The following EDIL3 variants were observed in gnomAD, a reference collection of about 807,000 sequenced individuals.
EDIL3 encodes the protein EGF-like repeat and discoidin I-like domain-containing protein 3.
In EDIL3, 37 loss-of-function variants were observed where a neutral mutation model predicts 67.4. The ratio of observed to expected loss-of-function variants is 0.55; its 90% CI spans 0.42 to 0.72. The LOEUF is 0.72. Among genes scored for constraint, EDIL3 ranks in the 30% least tolerant of loss-of-function variants. EDIL3 has a pLI of 0.00. For missense variants in EDIL3, 527 were observed against 586.3 expected (o/e 0.90, Z 1.04); for synonymous variants, 195 against 196.3 (o/e 0.99, Z 0.05).
intron 4 of EDIL3, among the ~76,000 whole-genome samples, chr5:84,168,664 G>A (rs1201870693): frequency 2.0e-5 from 3 of 152,102 alleles, no homozygotes; most frequent in African/African-American, 7.2e-5. Context: ...TATGATGCTG[G>A]TCGTAATTGA....
At chr5:84,006,349 AAAAC>A (rs1745415733) in intron 9 of EDIL3, among the ~76,000 whole-genome samples, 1 of 90,740 alleles carries the variant, frequency 1.1e-5, no homozygotes, top group Non-Finnish European at 2.0e-5. Context: ...GCCATAAAAC[AAAAC>A]AAAACAAAAC....
chr5:84,216,557 G>C (rs1744229471), intron 3 of EDIL3, among the ~76,000 whole-genome samples: 1 of 152,092 alleles, frequency 6.6e-6, no homozygotes, highest in Admixed American at 6.5e-5. Flanking sequence ...TCTGTTACTT[G>C]CTTATTATGT....
At chr5:84,209,426 A>G (rs1744068431) in intron 3 of EDIL3, among the ~76,000 whole-genome samples, 1 of 152,198 alleles carries the variant, frequency 6.6e-6, no homozygotes, top group Non-Finnish European at 1.5e-5. Flanking sequence ...TACTGTTTGA[A>G]TAAAGATATT....
At chr5:83,970,714 G>T (rs574133472) in intron 9 of EDIL3, among the ~76,000 whole-genome samples, 1 of 136,338 alleles carries the variant, frequency 7.3e-6, no homozygotes, top group South Asian at 2.2e-4. Flanking sequence ...AACACTATTT[G>T]TTTTATAATC....
intron 9 of EDIL3, among the ~76,000 whole-genome samples, chr5:84,041,504 A>G (rs1746120950): frequency 6.6e-6 from 1 of 150,572 alleles, no homozygotes. Flanking sequence ...CCTATTTCTC[A>G]TTACAGAGCT....
At chr5:83,957,472 A>G (rs1580251995) in intron 10 of EDIL3, among the ~76,000 whole-genome samples, 1 of 151,868 alleles carries the variant, frequency 6.6e-6, no homozygotes, top group East Asian at 2.0e-4. Context: ...ATTTAATTTC[A>G]GCTCTCCAAA....
chr5:84,031,590 G>A lies in EDIL3; in HGVS notation c.1137+28710C>T, dbSNP rs186230625. On this transcript the variant is annotated intron_variant, in intron 9 of 10. Coordinates refer to ENST00000296591, the MANE Select transcript of EDIL3 (RefSeq NM_005711.5). The stretch of plus-strand genomic sequence containing the variant: ...TATCCATGCAAGAAGAGACACGAGA[G>A]GTTCCTCTTTCTCTGCTGTCTACCA... Among the ~76,000 whole-genome samples, 284 of 152,276 alleles carry A rather than the reference G, an allele frequency of 1.9e-3. 2 individuals are homozygous for A. The highest frequency in any genetic ancestry group is 6.5e-3 in the African/African-American group (270 of 41,562).
chr5:84,108,305 T>C (rs1747499414), intron 5 of EDIL3, among the ~76,000 whole-genome samples: 1 of 152,034 alleles, frequency 6.6e-6, no homozygotes, highest in South Asian at 2.1e-4. Flanking sequence ...TAAAAATATA[T>C]GGATAAGTAA....
intron 6 of EDIL3, among the ~76,000 whole-genome samples, chr5:84,076,912 G>T (rs1746868496): frequency 6.6e-6 from 1 of 152,116 alleles, no homozygotes; most frequent in African/African-American, 2.4e-5. Flanking sequence ...ATCTTGCAAA[G>T]GCTTTTCCTG....
At chr5:83,999,045 C>G (rs577349161) in intron 9 of EDIL3, among the ~76,000 whole-genome samples, 1 of 152,270 alleles carries the variant, frequency 6.6e-6, no homozygotes, top group African/African-American at 2.4e-5. Context: ...GGTACCTCTA[C>G]AAGTCTGCAA....
At chr5:84,324,897 G>C (rs1194909219) in intron 1 of EDIL3, among the ~76,000 whole-genome samples, 1 of 149,628 alleles carries the variant, frequency 6.7e-6, no homozygotes. Context: ...TTGGTAAGAA[G>C]ATTTAATCAG....
chr5:84,112,449 T>C (rs1034575770), intron 5 of EDIL3, among the ~76,000 whole-genome samples: 5 of 152,204 alleles, frequency 3.3e-5, no homozygotes, highest in African/African-American at 1.2e-4. Flanking sequence ...GTGTTTCCTT[T>C]CATTGAGATT....
chr5:84,137,189 A>C, intron 5 of EDIL3, 52 bp downstream of exon 5: 1 of 1,042,042 alleles, frequency 9.6e-7, no homozygotes, highest in Middle Eastern at 2.3e-4. Flanking sequence ...ATACATACAC[A>C]CACACACACA....
At chr5:84,079,279 G>C (rs750072799) in intron 6 of EDIL3, among the ~76,000 whole-genome samples, 3 of 151,984 alleles carry the variant, frequency 2.0e-5, no homozygotes, top group African/African-American at 4.8e-5. Flanking sequence ...AGTTCTGTGA[G>C]GCATCCTAGC....
chr5:84,098,659 T>C (rs997217947), intron 6 of EDIL3, among the ~76,000 whole-genome samples: 4 of 152,144 alleles, frequency 2.6e-5, no homozygotes, highest in Non-Finnish European at 5.9e-5. Flanking sequence ...TACTCCTGAA[T>C]GACTTTTGGG....
intron 9 of EDIL3, among the ~76,000 whole-genome samples, chr5:83,975,239 T>C (rs972863347): frequency 2.6e-5 from 4 of 152,008 alleles, no homozygotes; most frequent in Non-Finnish European, 5.9e-5. Context: ...TATATGCCTC[T>C]CTCAGAAATT....
At chr5:84,273,413 T>C (rs757339261) in intron 1 of EDIL3, among the ~76,000 whole-genome samples, 1 of 152,148 alleles carries the variant, frequency 6.6e-6, no homozygotes, top group Non-Finnish European at 1.5e-5. Flanking sequence ...CACACCTAGC[T>C]TTCCCACATA....
At chr5:84,298,330 G>C (rs1248625528) in intron 1 of EDIL3, among the ~76,000 whole-genome samples, 1 of 152,110 alleles carries the variant, frequency 6.6e-6, no homozygotes, top group Non-Finnish European at 1.5e-5. Context: ...GTCTTTTGCA[G>C]AGCCACTGAT....
intron 1 of EDIL3, among the ~76,000 whole-genome samples, chr5:84,371,365 GTATATA>G (rs1747847282): frequency 7.5e-6 from 1 of 133,816 alleles, no homozygotes; most frequent in African/African-American, 2.6e-5. Flanking sequence ...ATATATGTGT[GTATATA>G]TGTATGTGTG....
Sources: gnomAD v4.1 joint callset for allele counts (sites outside exome capture counted in the v4.1 genomes callset) on GRCh38, gnomAD v4.1.1 for gene constraint, MANE v1.5 for transcripts, NCBI Gene and HGNC (gene_info 2026-07-23, HGNC 2026-07-21) for gene names.